The following NRXN3 variants were observed in gnomAD, a reference collection of about 807,000 sequenced individuals.
The protein encoded by NRXN3 is neurexin 3.
In NRXN3, 32 loss-of-function variants were observed where a neutral mutation model predicts 137.6. The observed-to-expected ratio is 0.23, with a 90% CI of 0.18 to 0.31. The LOEUF (loss-of-function observed/expected upper bound fraction) is 0.31, where lower values mean the gene tolerates loss of function less well. Ranked by LOEUF, NRXN3 falls within the 10% of genes least tolerant of loss-of-function variation. The pLI is 1.00. For missense variants in NRXN3, 1,574 were observed against 2,062.5 expected, an observed-to-expected ratio of 0.76 and a Z score of 4.59; for synonymous variants, 798 against 784.5, an observed-to-expected ratio of 1.02 and a Z score of -0.29.
chr14:78,500,748 T>C (rs2095863623), intron 4 of NRXN3, among the ~76,000 whole-genome samples: 1 of 152,132 alleles, frequency 6.6e-6, no homozygotes. Context: ...TTCATTCCTA[T>C]GTTTCTACTC....
chr14:79,467,551 C>T (rs1005110447), intron 16 of NRXN3, 149 bp downstream of exon 16: 1 of 693,082 alleles, frequency 1.4e-6, no homozygotes, highest in Non-Finnish European at 2.2e-6. Flanking sequence ...ATCATATTTA[C>T]AGGGTTCCTG....
chr14:79,280,155 C>T, intron 15 of NRXN3: 1 of 1,499,294 alleles, frequency 6.7e-7, no homozygotes, highest in Non-Finnish European at 8.8e-7. Context: ...GTTTGGAAAG[C>T]GCATATTGCT....
intron 1 of NRXN3, among the ~76,000 whole-genome samples, chr14:78,221,912 A>G (rs1187175307): frequency 1.3e-5 from 2 of 152,202 alleles, no homozygotes; most frequent in Non-Finnish European, 1.5e-5. Context: ...AGATATGGGG[A>G]AATAGACTCC....
chr14:79,709,076 C>G (rs992018693), intron 19 of NRXN3, among the ~76,000 whole-genome samples: 7 of 152,154 alleles, frequency 4.6e-5, no homozygotes, highest in Admixed American at 2.6e-4. Context: ...TGTGTGTATA[C>G]AGATCACCTG....
intron 10 of NRXN3, among the ~76,000 whole-genome samples, chr14:78,812,561 T>A (rs1241267526): frequency 6.6e-6 from 1 of 152,190 alleles, no homozygotes; most frequent in Non-Finnish European, 1.5e-5. Context: ...ATATTCCACA[T>A]GATCAGCCAC....
intron 10 of NRXN3, among the ~76,000 whole-genome samples, chr14:78,936,552 G>T (rs544524922): frequency 3.6e-4 from 55 of 152,290 alleles, no homozygotes; most frequent in African/African-American, 1.2e-3. Context: ...AGTACAAAGA[G>T]CCATGAGAAA....
intron 1 of NRXN3, among the ~76,000 whole-genome samples, chr14:78,223,379 T>C (rs2064083897): frequency 6.6e-6 from 1 of 152,240 alleles, no homozygotes; most frequent in African/African-American, 2.4e-5. Context: ...ATGGAGCACA[T>C]GTTTGGAAAT....
intron 15 of NRXN3, among the ~76,000 whole-genome samples, chr14:79,121,493 G>C (rs1406608302): frequency 6.6e-6 from 1 of 152,134 alleles, no homozygotes; most frequent in Non-Finnish European, 1.5e-5. Context: ...TTCTTCTATA[G>C]CTCCATTTAT....
At chr14:79,096,763 C>A (rs1026479181) in intron 15 of NRXN3, among the ~76,000 whole-genome samples, 3 of 152,102 alleles carry the variant, frequency 2.0e-5, no homozygotes, top group Non-Finnish European at 4.4e-5. Context: ...CAACAGATCC[C>A]AATCACCCTT....
chr14:78,521,182 A>G (rs1039540955), intron 4 of NRXN3, among the ~76,000 whole-genome samples: 17 of 151,838 alleles, frequency 1.1e-4, no homozygotes, highest in South Asian at 4.2e-4. Context: ...CTCTATCCCC[A>G]CTCTAATTCC....
intron 19 of NRXN3, among the ~76,000 whole-genome samples, chr14:79,699,616 G>A (rs901386913): frequency 7.2e-5 from 11 of 151,908 alleles, no homozygotes; most frequent in African/African-American, 1.4e-4. Context: ...AACTCTTTCC[G>A]CAAATTAAGA....
chr14:78,222,187 T>C (rs2063921213), intron 1 of NRXN3, among the ~76,000 whole-genome samples: 1 of 151,662 alleles, frequency 6.6e-6, no homozygotes, highest in East Asian at 1.9e-4. Flanking sequence ...TTGTGAGGAG[T>C]CAAATATGAA....
chr14:79,206,172 G>A (rs1325167277), intron 15 of NRXN3, among the ~76,000 whole-genome samples: 2 of 152,152 alleles, frequency 1.3e-5, no homozygotes, highest in Non-Finnish European at 2.9e-5. Flanking sequence ...TTTGCATCAA[G>A]TTATACTCAT....
At chr14:78,832,068 A>G (rs1445337415) in intron 10 of NRXN3, among the ~76,000 whole-genome samples, 1 of 152,082 alleles carries the variant, frequency 6.6e-6, no homozygotes, top group Non-Finnish European at 1.5e-5. Context: ...ACTGTAAGCA[A>G]AAGACATCTC....
intron 19 of NRXN3, among the ~76,000 whole-genome samples, chr14:79,780,585 G>A (rs1006983722): frequency 1.3e-5 from 2 of 152,034 alleles, no homozygotes; most frequent in Non-Finnish European, 2.9e-5. Context: ...CTCCAGCCTG[G>A]GCGACAGAGC....
At chr14:79,280,643 A>G (rs978729924) in intron 15 of NRXN3, 3 of 1,150,352 alleles carry the variant, frequency 2.6e-6, no homozygotes, top group Non-Finnish European at 3.7e-6. Flanking sequence ...AAAAAAATGA[A>G]TTTAAAATGA....
At chr14:79,419,764 AG>A (rs1447428868) in intron 15 of NRXN3, among the ~76,000 whole-genome samples, 1 of 152,208 alleles carries the variant, frequency 6.6e-6, no homozygotes, top group Non-Finnish European at 1.5e-5. Context: ...TGAGGATGGA[AG>A]CTCCCTCCCT....
chr14:79,345,525 T>G (rs1201355435), intron 15 of NRXN3, among the ~76,000 whole-genome samples: 2 of 152,142 alleles, frequency 1.3e-5, no homozygotes, highest in Non-Finnish European at 2.9e-5. Flanking sequence ...CAGGATGATA[T>G]AGTTTGGGTA....
intron 16 of NRXN3, among the ~76,000 whole-genome samples, chr14:79,582,387 T>C (rs989465101): frequency 6.6e-6 from 1 of 152,136 alleles, no homozygotes; most frequent in East Asian, 1.9e-4. Flanking sequence ...TCCTATGTTT[T>C]TTGTTTGGTT....
Sources: gnomAD v4.1 joint callset for allele counts (sites outside exome capture counted in the v4.1 genomes callset) on GRCh38, gnomAD v4.1.1 for gene constraint, MANE v1.5 for transcripts, NCBI Gene and HGNC (gene_info 2026-07-23, HGNC 2026-07-21) for gene names.